SOX6: variants seen among roughly 807,000 people sequenced by gnomAD.
The protein encoded by SOX6 is SRY-box transcription factor 6, also known as transcription factor SOX-6.
A neutral mutation model predicts 97.8 loss-of-function variants in SOX6; 11 were observed. The ratio of observed to expected loss-of-function variants is 0.11; its 90% CI spans 0.07 to 0.19. SOX6 has a LOEUF of 0.19. Among genes scored for constraint, SOX6 ranks in the 10% least tolerant of loss-of-function variants. The probability of loss-of-function intolerance (pLI) is 1.00; values close to 1 mark genes in which losing one functional copy is unlikely to be tolerated. For synonymous variants in SOX6, 360 were observed against 371.4 expected (o/e 0.97, Z 0.35); for missense variants, 810 against 1,039.5 (o/e 0.78, Z 3.04).
rs368325635 is a variant in SOX6, at chr11:16,643,420, A to T, written n.430-31160T>A. Among the ~76,000 whole-genome samples the T allele has an allele frequency of 7.2e-5, 11 of 152,226 alleles. No individual in the cohort carries two copies. In the South Asian group the frequency reaches 2.1e-3, roughly 29 times the overall value. Reference sequence around the variant, plus strand: ...CAGATCTCAAGCTGTGTGCTGGGAGAACCACCACTGTCTTCCAAGCTGCCA... The same window carrying T: ...CAGATCTCAAGCTGTGTGCTGGGAGTACCACCACTGTCTTCCAAGCTGCCA... On this transcript the variant is annotated intron_variant and non_coding_transcript_variant, in intron 3 of 5. Coordinates refer to the SOX6 transcript ENST00000524520.
chr11:16,200,821 A>G (rs1851915233), intron 4 of SOX6, among the ~76,000 whole-genome samples: 1 of 152,162 alleles, frequency 6.6e-6, no homozygotes, highest in Non-Finnish European at 1.5e-5. Flanking sequence ...TAAAAAAAAT[A>G]CAGGCTGGGC....
intron 1 of SOX6, among the ~76,000 whole-genome samples, chr11:16,467,050 T>A (rs1229832906): frequency 6.7e-6 from 1 of 148,274 alleles, no homozygotes; most frequent in Non-Finnish European, 1.5e-5. Context: ...AAGTTCAACA[T>A]CACTGATCAT....
chr11:16,313,105 G>C lies in SOX6; in HGVS notation c.445+5341C>G, dbSNP rs570192362. The C allele has an allele frequency of 8.5e-5, 13 of 152,298 alleles. No homozygotes were observed. The East Asian group carries it at 1.9e-3, about 23-fold the overall frequency. 9.4% of individuals were successfully genotyped at this position (152,298 alleles called of 1,614,324 possible). On this transcript the variant is annotated intron_variant, in intron 3 of 15. Transcript: ENST00000683767. The stretch of plus-strand genomic sequence containing the variant: ...GGGGCACTTCAGATGTAGCACCCTT[G>C]TTCAACAATGTTTTACAATCTGGTC...
chr11:16,266,242 A>G (rs909116844), intron 3 of SOX6, among the ~76,000 whole-genome samples: 22 of 151,776 alleles, frequency 1.4e-4, no homozygotes, highest in African/African-American at 5.1e-4. Context: ...CCTCATTGAA[A>G]ACAACTCAGG....
chr11:16,280,152 C>T (rs561903402), intron 3 of SOX6, among the ~76,000 whole-genome samples: 18 of 152,080 alleles, frequency 1.2e-4, no homozygotes, highest in African/African-American at 3.1e-4. Context: ...TCAGTGTATG[C>T]GTAAGAGTCA....
chr11:16,459,414 C>T (rs1051073170), intron 1 of SOX6, among the ~76,000 whole-genome samples: 4 of 152,038 alleles, frequency 2.6e-5, no homozygotes, highest in African/African-American at 9.7e-5. Context: ...TTTACACTCT[C>T]TGGCATCTAA....
In SOX6 at chr11:15,969,113, A is replaced by G. The variant is rs1357967166; in HGVS notation, c.*3696T>C. ...TTTTTTTGGGAGAGGATTGCCTGGC[A>G]GTGTCCCAATTCTAAGTGACAAGGA... On this transcript the variant is annotated 3_prime_UTR_variant, in exon 16 of 16. Transcript: ENST00000683767. 1 of 131,556 alleles carries G rather than the reference A, an allele frequency of 7.6e-6. No homozygotes were observed. The highest frequency in any genetic ancestry group is 1.5e-5 in the Non-Finnish European group (1 of 65,254). 8.1% of individuals were successfully genotyped at this position (131,556 alleles called of 1,614,324 possible).
intron 3 of SOX6, among the ~76,000 whole-genome samples, chr11:16,631,417 ACTT>A (rs936882901): frequency 6.6e-6 from 1 of 152,142 alleles, no homozygotes; most frequent in African/African-American, 2.4e-5. Context: ...TAGGCCCCCA[ACTT>A]CTTCTGGCTT....
At position 16,092,256 on chromosome 11, in the gene SOX6, G is replaced by C. The variant is rs1393563505; in HGVS notation, c.1101+3740C>G. 4.6e-5 allele frequency among the ~76,000 whole-genome samples: 7 copies of C among 151,918 alleles called. No homozygotes were observed. In the South Asian group the frequency reaches 8.3e-4, roughly 18 times the overall value. ...TAAAAAGGCAACAAAAGTGTTTTGG[G>C]GGGGACAGGTTTGAATTAATAAGTA... On this transcript the variant is annotated intron_variant, in intron 9 of 15. Transcript: ENST00000683767.
At chr11:16,196,506 T>C (rs1851776932) in intron 4 of SOX6, among the ~76,000 whole-genome samples, 1 of 152,222 alleles carries the variant, frequency 6.6e-6, no homozygotes, top group African/African-American at 2.4e-5. Context: ...GTGAAAGCAC[T>C]TATCTAGGGA....
At chr11:16,731,430 G>C (rs1848349101) in intron 2 of SOX6, among the ~76,000 whole-genome samples, 1 of 152,176 alleles carries the variant, frequency 6.6e-6, no homozygotes, top group Non-Finnish European at 1.5e-5. Flanking sequence ...GGGATGCAAG[G>C]CTGGTTCAAC....
At chr11:16,665,031 G>A (rs1222274814) in intron 3 of SOX6, among the ~76,000 whole-genome samples, 1 of 151,846 alleles carries the variant, frequency 6.6e-6, no homozygotes, top group Non-Finnish European at 1.5e-5. Flanking sequence ...CCTTGGGCCT[G>A]AATAATCAGC....
chr11:16,644,729 T>G (rs1004610473), intron 3 of SOX6, among the ~76,000 whole-genome samples: 12 of 152,196 alleles, frequency 7.9e-5, no homozygotes, highest in Non-Finnish European at 1.5e-4. Flanking sequence ...AGACTATATA[T>G]TCTCTGTTTG....
intron 3 of SOX6, among the ~76,000 whole-genome samples, chr11:16,686,158 T>C (rs1847967655): frequency 6.6e-6 from 1 of 152,266 alleles, no homozygotes; most frequent in African/African-American, 2.4e-5. Flanking sequence ...CTGAAATGCC[T>C]TCAAGGCCTT....
At chr11:16,495,759 C>CA (rs1319804363) in intron 4 of SOX6, among the ~76,000 whole-genome samples, 2 of 152,168 alleles carry the variant, frequency 1.3e-5, no homozygotes, top group Non-Finnish European at 2.9e-5. Flanking sequence ...CAAGAAGCTA[C>CA]CTGAAGGCCT....
intron 9 of SOX6, among the ~76,000 whole-genome samples, chr11:16,063,751 C>A (rs959193115): frequency 8.7e-5 from 13 of 150,058 alleles, no homozygotes; most frequent in Non-Finnish European, 1.6e-4. Flanking sequence ...CAGTGAGGCA[C>A]TGGGCTGGAT....
intron 4 of SOX6, among the ~76,000 whole-genome samples, chr11:16,493,775 G>A (rs772776424): frequency 6.6e-5 from 10 of 152,140 alleles, no homozygotes; most frequent in Middle Eastern, 3.2e-3. Flanking sequence ...ATGGTCCAGA[G>A]TATACAGAAA....
chr11:16,176,523 G>T (rs1299210461), intron 6 of SOX6, among the ~76,000 whole-genome samples: 1 of 151,754 alleles, frequency 6.6e-6, no homozygotes, highest in South Asian at 2.1e-4. Context: ...CTGTCTAAAA[G>T]GTTCATATGT....
At chr11:16,523,477 A>G (rs1377717044) in intron 4 of SOX6, among the ~76,000 whole-genome samples, 2 of 152,136 alleles carry the variant, frequency 1.3e-5, no homozygotes, top group South Asian at 2.1e-4. Flanking sequence ...GGACACATTC[A>G]AAGCAGTGTG....
Sources: gnomAD v4.1 joint callset for allele counts (sites outside exome capture counted in the v4.1 genomes callset) on GRCh38, gnomAD v4.1.1 for gene constraint, MANE v1.5 for transcripts, NCBI Gene and HGNC (gene_info 2026-07-23, HGNC 2026-07-21) for gene names.